Variants in CEP128 observed in about 807,000 individuals in gnomAD.
CEP128 encodes the protein centrosomal protein 128kDa.
In CEP128, 132 loss-of-function variants were observed where a neutral mutation model predicts 156.7. The ratio of observed to expected loss-of-function variants is 0.84; its 90% CI spans 0.73 to 0.97. The LOEUF (loss-of-function observed/expected upper bound fraction) is 0.97. CEP128 is among the 50% of genes least tolerant of loss of function. CEP128 has a pLI of 0.00. For synonymous variants in CEP128, 469 were observed against 448.9 expected (o/e 1.04, Z -0.57); for missense variants, 1,252 against 1,281.9 (o/e 0.98, Z 0.36).
chr14:80,822,532 G>A (rs970777597), intron 13 of CEP128: 8 of 658,306 alleles, frequency 1.2e-5, no homozygotes, highest in Non-Finnish European at 2.0e-5. Context: ...CCATGCCCAA[G>A]AGAAAGGCTG....
intron 19 of CEP128, among the ~76,000 whole-genome samples, chr14:80,598,874 A>G (rs899043025): frequency 6.6e-6 from 1 of 152,154 alleles, no homozygotes; most frequent in Non-Finnish European, 1.5e-5. Context: ...TAAGAATGGA[A>G]TGAGGGTGGA....
At chr14:80,625,389 C>A (rs527461776) in intron 19 of CEP128, among the ~76,000 whole-genome samples, 1 of 152,174 alleles carries the variant, frequency 6.6e-6, no homozygotes, top group South Asian at 2.1e-4. Context: ...TGTTATGCCT[C>A]GAGCTTTGTT....
At chr14:80,704,676 A>AT (rs769385089) in intron 19 of CEP128, among the ~76,000 whole-genome samples, 13 of 151,838 alleles carry the variant, frequency 8.6e-5, no homozygotes, top group African/African-American at 2.4e-4. Flanking sequence ...GTTGACTATA[A>AT]TTTTTTTATA....
intron 21 of CEP128, among the ~76,000 whole-genome samples, chr14:80,541,705 T>G (rs888390324): frequency 6.6e-6 from 1 of 152,224 alleles, no homozygotes; most frequent in Non-Finnish European, 1.5e-5. Flanking sequence ...CTCCATACTT[T>G]TGCTTCTGTC....
intron 13 of CEP128, among the ~76,000 whole-genome samples, chr14:80,804,457 C>T (rs760006799): frequency 9.2e-5 from 14 of 152,072 alleles, no homozygotes; most frequent in Non-Finnish European, 1.3e-4. Context: ...AATGATAGAA[C>T]GCCACTTGAA....
chr14:80,699,307 T>TA (rs1348869828), intron 19 of CEP128, among the ~76,000 whole-genome samples: 2 of 152,072 alleles, frequency 1.3e-5, no homozygotes, highest in Non-Finnish European at 2.9e-5. Flanking sequence ...TCTATTCAAA[T>TA]AAAAAACAGT....
chr14:80,814,852 T>A (rs1047177128), intron 13 of CEP128, among the ~76,000 whole-genome samples: 8 of 151,966 alleles, frequency 5.3e-5, no homozygotes, highest in Non-Finnish European at 1.0e-4. Flanking sequence ...AGGTCAGGAG[T>A]TCGAGACCAA....
At chr14:80,531,561 A>G (rs1275952113) in intron 21 of CEP128, among the ~76,000 whole-genome samples, 1 of 152,240 alleles carries the variant, frequency 6.6e-6, no homozygotes, top group Non-Finnish European at 1.5e-5. Flanking sequence ...GTTAAATGGT[A>G]AAATAATCTT....
intron 14 of CEP128, among the ~76,000 whole-genome samples, 170 bp downstream of exon 14, chr14:80,792,589 AT>A (rs562815225): frequency 3.3e-3 from 501 of 152,346 alleles, no homozygotes; most frequent in Middle Eastern, 6.8e-3. Context: ...TAAGTAAAAA[AT>A]ATTTAAAAAT....
intron 23 of CEP128, among the ~76,000 whole-genome samples, chr14:80,505,941 G>A (rs1161504908): frequency 1.3e-5 from 2 of 152,138 alleles, no homozygotes; most frequent in Non-Finnish European, 2.9e-5. Context: ...AAGCCTTCAG[G>A]CTTGCAGAAG....
intron 21 of CEP128, among the ~76,000 whole-genome samples, chr14:80,555,944 T>C (rs1007280276): frequency 6.6e-6 from 1 of 152,176 alleles, no homozygotes; most frequent in African/African-American, 2.4e-5. Context: ...TAAATGAATG[T>C]GTCTTCTTTA....
At chr14:80,544,922 A>G (rs973260822) in intron 21 of CEP128, among the ~76,000 whole-genome samples, 1 of 152,206 alleles carries the variant, frequency 6.6e-6, no homozygotes, top group Non-Finnish European at 1.5e-5. Context: ...TCTTCATAGA[A>G]GATCTTTTTA....
chr14:80,622,848 T>G (rs1208155090), intron 19 of CEP128, among the ~76,000 whole-genome samples: 2 of 149,302 alleles, frequency 1.3e-5, no homozygotes, highest in Non-Finnish European at 3.0e-5. Flanking sequence ...GGAACACTTT[T>G]ACACTGTTGG....
chr14:80,906,163 T>G, intron 4 of CEP128, 82 bp from the exon 5 acceptor site: 1 of 1,127,432 alleles, frequency 8.9e-7, no homozygotes, highest in Non-Finnish European at 1.2e-6. Flanking sequence ...TTTTCAAAGC[T>G]ATTTCTGAAA....
At chr14:80,781,203 A>G (rs961211005) in intron 15 of CEP128, among the ~76,000 whole-genome samples, 5 of 152,236 alleles carry the variant, frequency 3.3e-5, no homozygotes, top group African/African-American at 1.2e-4. Flanking sequence ...CATGCCTGTC[A>G]TCCCAGCACT....
intron 20 of CEP128, among the ~76,000 whole-genome samples, chr14:80,560,568 T>C (rs779107927): frequency 1.1e-4 from 17 of 152,182 alleles, no homozygotes; most frequent in Admixed American, 2.6e-4. Flanking sequence ...AGGGTGTTGA[T>C]CCTGGGTGTG....
chr14:80,746,115 G>A (rs1045474164), intron 18 of CEP128, among the ~76,000 whole-genome samples: 3 of 152,226 alleles, frequency 2.0e-5, no homozygotes, highest in South Asian at 2.1e-4. Context: ...GATATCCTAC[G>A]TAAATGGATT....
chr14:80,906,943 T>C (rs906742859), intron 4 of CEP128, among the ~76,000 whole-genome samples: 1 of 152,206 alleles, frequency 6.6e-6, no homozygotes, highest in African/African-American at 2.4e-5. Flanking sequence ...CATGGATCCA[T>C]GGAACAAGTC....
At chr14:80,740,209 G>C (rs998090055) in intron 19 of CEP128, among the ~76,000 whole-genome samples, 2 of 151,462 alleles carry the variant, frequency 1.3e-5, no homozygotes, top group African/African-American at 4.9e-5. Flanking sequence ...TATTTCACAC[G>C]TCTACTGTGC....
Sources: allele counts gnomAD v4.1 joint callset (sites outside exome capture counted in the v4.1 genomes callset), GRCh38; gene constraint gnomAD v4.1.1; transcripts MANE v1.5; gene names NCBI Gene and HGNC (gene_info 2026-07-23, HGNC 2026-07-21).